Variants in SEC14L1 observed in about 807,000 individuals in gnomAD.
SEC14L1 encodes the protein SEC14 like lipid binding 1.
Under a neutral mutation model 85.3 loss-of-function variants are expected in SEC14L1, and 48 were observed. That is an observed-to-expected ratio of 0.56 (90% CI 0.45 to 0.72). SEC14L1 has a LOEUF of 0.72. SEC14L1 is among the 30% of genes least tolerant of loss of function. SEC14L1 has a pLI of 0.00. For missense variants in SEC14L1, 682 were observed against 921.4 expected (o/e 0.74, Z 3.36); for synonymous variants, 391 against 355.5 (o/e 1.10, Z -1.12).
intron 3 of SEC14L1, among the ~76,000 whole-genome samples, chr17:77,145,921 C>T (rs1041652912): frequency 1.3e-5 from 2 of 152,212 alleles, no homozygotes; most frequent in Admixed American, 6.5e-5. Context: ...GGCTTCAGCT[C>T]GAGGACGTGC....
chr17:77,111,192 A>C (rs1043106251), intron 3 of SEC14L1, among the ~76,000 whole-genome samples: 1 of 73,914 alleles, frequency 1.4e-5, no homozygotes, highest in Non-Finnish European at 3.4e-5. Context: ...TCTCAAAAAG[A>C]AAAAAAAAAA....
intron 1 of SEC14L1, chr17:77,141,811 C>T (rs1025346467): frequency 2.0e-5 from 3 of 152,220 alleles, no homozygotes; most frequent in African/African-American, 7.2e-5. Context: ...CTTCTTCCCC[C>T]AACTCTTGTT....
intron 5 of SEC14L1, among the ~76,000 whole-genome samples, chr17:77,192,680 A>G (rs528280582): frequency 6.7e-6 from 1 of 148,678 alleles, no homozygotes; most frequent in South Asian, 2.1e-4. Flanking sequence ...TTTTTTCTTC[A>G]GGGATGGGAT....
At chr17:77,112,060 C>G (rs1972060697) in intron 3 of SEC14L1, among the ~76,000 whole-genome samples, 1 of 152,118 alleles carries the variant, frequency 6.6e-6, no homozygotes, top group Admixed American at 6.6e-5. Context: ...GCAGTTACTG[C>G]CAGGCTGTTC....
At chr17:77,095,660 T>C (rs1368739957) in intron 3 of SEC14L1, among the ~76,000 whole-genome samples, 3 of 151,858 alleles carry the variant, frequency 2.0e-5, no homozygotes, top group Admixed American at 6.6e-5. Flanking sequence ...CTACTAAAAA[T>C]ACAAAATTCA....
In SEC14L1 at chr17:77,209,341, G is replaced by C; in HGVS notation, c.1477-1G>C. 6.2e-7 allele frequency: 1 copy of C among 1,614,036 alleles called. No individual in the cohort carries two copies. The highest frequency in any genetic ancestry group is 8.5e-7 in the Non-Finnish European group (1 of 1,179,962). On this transcript the variant is annotated splice_acceptor_variant, in intron 13 of 16. Transcript: ENST00000436233. LOFTEE classifies it high-confidence loss of function. ...TTTCACTGCTGTGTTTCTTCTTCCA[G>C]TGCGAAGTGCCAGAGGGTGGACTGG...
chr17:77,129,134 G>A (rs1295058483), intron 3 of SEC14L1, among the ~76,000 whole-genome samples: 3 of 152,132 alleles, frequency 2.0e-5, no homozygotes, highest in Non-Finnish European at 4.4e-5. Flanking sequence ...TATGTGTACA[G>A]AACATTCCGG....
chr17:77,131,843 A>C (rs1159433565), intron 3 of SEC14L1, among the ~76,000 whole-genome samples: 1 of 152,212 alleles, frequency 6.6e-6, no homozygotes, highest in African/African-American at 2.4e-5. Context: ...AGTAGTAGGA[A>C]GGGTGTCCTG....
At chr17:77,125,217 G>A (rs1180931918) in intron 3 of SEC14L1, among the ~76,000 whole-genome samples, 5 of 151,798 alleles carry the variant, frequency 3.3e-5, no homozygotes, top group African/African-American at 1.2e-4. Context: ...GGCCGGTCTC[G>A]AACTCCTGAC....
chr17:77,092,889 G>A (rs1027932110), intron 2 of SEC14L1, among the ~76,000 whole-genome samples: 6 of 151,018 alleles, frequency 4.0e-5, no homozygotes, highest in Non-Finnish European at 7.4e-5. Flanking sequence ...CGGAGGTTGC[G>A]GTGAGCCGAG....
In SEC14L1 at chr17:77,209,353, A is replaced by G. The variant is rs766918673; in HGVS notation, c.1488A>G (p.Pro496=). The G allele has an allele frequency of 3.1e-6, 5 of 1,614,050 alleles. No homozygotes were observed. The highest frequency in any genetic ancestry group is 2.2e-5 in the East Asian group (1 of 44,900). The change falls in exon 14 of 17, where the codon CCA becomes CCG. Residue 496 remains proline, a synonymous_variant. Coordinates refer to ENST00000436233, the MANE Select transcript of SEC14L1 (RefSeq NM_001143998.2). ...GTTTCTTCTTCCAGTGCGAAGTGCC[A>G]GAGGGTGGACTGGTCCCCAAATCTC... The part of the protein sequence containing the change: ...FLSGECMCEV[P]EGGLVPKSLY...
At chr17:77,160,605 T>G (rs1426001313) in intron 3 of SEC14L1, among the ~76,000 whole-genome samples, 1 of 152,252 alleles carries the variant, frequency 6.6e-6, no homozygotes, top group Non-Finnish European at 1.5e-5. Flanking sequence ...CATTCAAGAT[T>G]TATTGACGGA....
chr17:77,199,618 T>C (rs1976014905), intron 8 of SEC14L1: 1 of 152,378 alleles, frequency 6.6e-6, no homozygotes, highest in Non-Finnish European at 1.5e-5. Flanking sequence ...CTCTTTATTC[T>C]AACTTTTTAT....
intron 3 of SEC14L1, among the ~76,000 whole-genome samples, chr17:77,176,152 T>C (rs62078334): frequency 0.16 from 24,380 of 152,066 alleles, 2,372 homozygotes; most frequent in Middle Eastern, 0.22. Context: ...TAGCTGAGCG[T>C]GGTGCTGCAC....
Position 77,214,500 on chromosome 17 carries a change from C to T in SEC14L1, c.*477C>T, listed in dbSNP as rs1199952829. 2.5e-5 allele frequency: 25 copies of T among 1,000,094 alleles called. No individual in the cohort carries two copies. Among genetic ancestry groups the T allele is most frequent in the South Asian group, 4.2e-5 (1 of 23,552 alleles). 62.0% of individuals were successfully genotyped at this position (1,000,094 alleles called of 1,614,324 possible). On this transcript the variant is annotated 3_prime_UTR_variant, in exon 17 of 17. Transcript: ENST00000436233. Reference sequence around the variant, plus strand: ...GCCGCCTCACGGCCCCCATGCTTCCCGCCAGTCAAGATGGTCTGTGGACTT... The same window carrying T: ...GCCGCCTCACGGCCCCCATGCTTCCTGCCAGTCAAGATGGTCTGTGGACTT...
rs527923221 is a variant in SEC14L1 at position 77,097,236 on chromosome 17, A to G, written c.-136+3889A>G. On this transcript the variant is annotated intron_variant, in intron 3 of 19. Coordinates refer to the SEC14L1 transcript ENST00000392476. Reference sequence around the variant, plus strand: ...TTGAAATTGACAGGTACTTATCAAGACCAAACAAAGTTTGCACAAAGCCAG... The same window carrying G: ...TTGAAATTGACAGGTACTTATCAAGGCCAAACAAAGTTTGCACAAAGCCAG... Among the ~76,000 whole-genome samples, 48 of 152,342 alleles carry G rather than the reference A, an allele frequency of 3.2e-4. No homozygotes were observed. In the East Asian group the frequency reaches 6.8e-3, roughly 21 times the overall value.
intron 3 of SEC14L1, chr17:77,094,647 A>G (rs1388995721): frequency 1.3e-5 from 2 of 151,496 alleles, no homozygotes; most frequent in Non-Finnish European, 2.9e-5. Flanking sequence ...TTTTATTTTT[A>G]GTAGAGACAG....
At chr17:77,176,393 C>T (rs11654881) in intron 3 of SEC14L1, among the ~76,000 whole-genome samples, 54,319 of 151,998 alleles carry the variant, frequency 0.36, 9,966 homozygotes, top group South Asian at 0.43. Flanking sequence ...GGTGGGTTCT[C>T]AGTCCCGTGT....
chr17:77,125,003 ATTATT>A (rs1972403854), intron 3 of SEC14L1, among the ~76,000 whole-genome samples: 1 of 128,532 alleles, frequency 7.8e-6, no homozygotes, highest in African/African-American at 2.6e-5. Flanking sequence ...TATTATTTTT[ATTATT>A]ATTATATATT....
Sources: gnomAD v4.1 joint callset for allele counts (sites outside exome capture counted in the v4.1 genomes callset) on GRCh38, gnomAD v4.1.1 for gene constraint, MANE v1.5 for transcripts, NCBI Gene and HGNC (gene_info 2026-07-23, HGNC 2026-07-21) for gene names.